TENM3: variants seen among roughly 807,000 people sequenced by gnomAD.
TENM3 encodes teneurin transmembrane protein 3.
Under a neutral mutation model 255.1 loss-of-function variants are expected in TENM3, and 63 were observed. The observed-to-expected ratio is 0.25, with a 90% CI of 0.20 to 0.30. The LOEUF (loss-of-function observed/expected upper bound fraction) is 0.30. Ranked by LOEUF, TENM3 falls within the 10% of genes least tolerant of loss-of-function variation. TENM3 has a pLI of 1.00. For missense variants in TENM3, 2,929 were observed against 3,461.1 expected, an observed-to-expected ratio of 0.85 and a Z score of 3.86; for synonymous variants, 1,306 against 1,322.3, an observed-to-expected ratio of 0.99 and a Z score of 0.27.
In TENM3 at chr4:182,730,302, T is replaced by G. The variant is rs1284990682; in HGVS notation, c.2688T>G (p.Ile896Met). ...ATTACCCAGAATATGGATATACTAT[T>G]ACCCGCCAGGACGGAATGTGAGTTA... ...FFHYPEYGYT[I>M]TRQDGMFDLV... Residue 896 changes from isoleucine (I) to methionine (M), a missense_variant, in exon 15 of 28, where the codon ATT (isoleucine) becomes ATG (methionine). Physicochemically the swap from Ile to Met is conservative, Grantham distance 10. Coordinates refer to ENST00000511685, the MANE Select transcript of TENM3 (RefSeq NM_001080477.4). 76 of 1,613,620 alleles carry G rather than the reference T, an allele frequency of 4.7e-5. No individual in the cohort carries two copies. The highest frequency in any genetic ancestry group is 6.3e-5 in the Non-Finnish European group (74 of 1,179,766).
chr4:181,996,594 G>C, the TENM3 span, among the ~76,000 whole-genome samples: 1 of 152,166 alleles, frequency 6.6e-6, no homozygotes, highest in Non-Finnish European at 1.5e-5. Flanking sequence ...GACTTGATTT[G>C]ATTTCCTTTT....
At chr4:182,210,695 G>C (rs1287059615) in intron 1 of TENM3, among the ~76,000 whole-genome samples, 1 of 148,834 alleles carries the variant, frequency 6.7e-6, no homozygotes, top group African/African-American at 2.5e-5. Context: ...AGCACCTACT[G>C]AGGCTTCCGA....
intron 5 of TENM3, 56 bp downstream of exon 5, chr4:182,628,945 T>C (rs1751092849): frequency 2.0e-6 from 2 of 1,009,392 alleles, no homozygotes; most frequent in Non-Finnish European, 3.0e-6. Flanking sequence ...TACATTGTTT[T>C]ATTACTTGTA....
chr4:182,652,581 G>A (rs1355548338), intron 5 of TENM3, among the ~76,000 whole-genome samples: 1 of 152,040 alleles, frequency 6.6e-6, no homozygotes, highest in African/African-American at 2.4e-5. Flanking sequence ...TTTATCCAAG[G>A]CTAAATTCTA....
chr4:182,414,395 T>A (rs1770217426), intron 3 of TENM3, among the ~76,000 whole-genome samples: 1 of 152,232 alleles, frequency 6.6e-6, no homozygotes, highest in South Asian at 2.1e-4. Flanking sequence ...AAGGGGATAC[T>A]GTGATTCATT....
the TENM3 span, among the ~76,000 whole-genome samples, chr4:181,551,096 T>A: frequency 6.6e-6 from 1 of 152,104 alleles, no homozygotes. Context: ...TTTCTTTTTT[T>A]CCCCCACCCC....
At chr4:181,833,776 G>C in the TENM3 span, among the ~76,000 whole-genome samples, 1 of 151,774 alleles carries the variant, frequency 6.6e-6, no homozygotes, top group Non-Finnish European at 1.5e-5. Flanking sequence ...GCACTGACCC[G>C]TGTATTAAAT....
the TENM3 span, among the ~76,000 whole-genome samples, chr4:181,608,556 C>T: frequency 1.9e-4 from 29 of 151,734 alleles, no homozygotes; most frequent in African/African-American, 3.4e-4. Flanking sequence ...TGGATTGGAC[C>T]GGCTAATTTT....
chr4:181,771,227 G>T, the TENM3 span, among the ~76,000 whole-genome samples: 238 of 152,322 alleles, frequency 1.6e-3, 3 homozygotes, highest in South Asian at 6.4e-3. Flanking sequence ...GGAATTCCAG[G>T]ATGAGAAAAA....
chr4:182,228,405 C>G (rs1756343146), intron 1 of TENM3, among the ~76,000 whole-genome samples: 1 of 93,574 alleles, frequency 1.1e-5, no homozygotes, highest in Non-Finnish European at 2.2e-5. Flanking sequence ...TATGTAATCC[C>G]TCCCAGCTCT....
the TENM3 span, among the ~76,000 whole-genome samples, chr4:181,991,044 A>G: frequency 6.6e-6 from 1 of 152,194 alleles, no homozygotes; most frequent in African/African-American, 2.4e-5. Flanking sequence ...GGGGAGGATT[A>G]GAAGTATTTG....
intron 11 of TENM3, among the ~76,000 whole-genome samples, chr4:182,686,559 G>A (rs1244406488): frequency 6.6e-6 from 1 of 152,082 alleles, no homozygotes; most frequent in Non-Finnish European, 1.5e-5. Context: ...TACACCCGAA[G>A]AAACATTGGT....
At chr4:181,751,647 G>T in the TENM3 span, among the ~76,000 whole-genome samples, 1 of 152,068 alleles carries the variant, frequency 6.6e-6, no homozygotes, top group Non-Finnish European at 1.5e-5. Flanking sequence ...TAGGGTAGCG[G>T]GCATGAGCAC....
chr4:181,874,047 T>C, the TENM3 span, among the ~76,000 whole-genome samples: 1 of 152,060 alleles, frequency 6.6e-6, no homozygotes, highest in African/African-American at 2.4e-5. Flanking sequence ...CCTCCCAAAG[T>C]GCTGGGATTA....
chr4:182,195,862 C>T (rs902893470), intron 1 of TENM3, among the ~76,000 whole-genome samples: 3 of 152,022 alleles, frequency 2.0e-5, no homozygotes, highest in African/African-American at 7.3e-5. Context: ...AAATCATGGC[C>T]TCCATTATAT....
At position 182,339,206 on chromosome 4, in the gene TENM3, A is replaced by G. The variant is rs116222142; in HGVS notation, c.233-7445A>G. Among the ~76,000 whole-genome samples the G allele has an allele frequency of 2.0e-3, 300 of 152,296 alleles. 2 individuals are homozygous for G. Among genetic ancestry groups the G allele is most frequent in the African/African-American group, 7.0e-3 (292 of 41,562 alleles). ...CAGATCCACTGGGCTAATTACTGCA[A>G]CTCCAAAGTTTATTACTTTTAAATA... On this transcript the variant is annotated intron_variant, in intron 2 of 27. Transcript: ENST00000511685.
At chr4:182,230,848 A>ATATATATATC (rs1756522966) in intron 1 of TENM3, among the ~76,000 whole-genome samples, 1 of 117,508 alleles carries the variant, frequency 8.5e-6, no homozygotes, top group African/African-American at 3.0e-5. Flanking sequence ...ATATATATAT[A>ATATATATATC]TATATATATC....
chr4:182,640,716 T>C (rs1414595783), intron 5 of TENM3, among the ~76,000 whole-genome samples: 1 of 152,184 alleles, frequency 6.6e-6, no homozygotes, highest in Non-Finnish European at 1.5e-5. Context: ...TGGGCAAGTC[T>C]CCCAGGGATC....
At chr4:181,460,157 G>A in the TENM3 span, among the ~76,000 whole-genome samples, 1 of 151,990 alleles carries the variant, frequency 6.6e-6, no homozygotes, top group East Asian at 1.9e-4. Context: ...TTTGCAAATT[G>A]ACACGGTATT....
Sources: allele counts gnomAD v4.1 joint callset (sites outside exome capture counted in the v4.1 genomes callset), GRCh38; gene constraint gnomAD v4.1.1; transcripts MANE v1.5; gene names NCBI Gene and HGNC (gene_info 2026-07-23, HGNC 2026-07-21).